Variants in MGA observed in about 807,000 individuals in gnomAD.
The protein encoded by MGA is MAX dimerization protein MGA.
MGA carries 40 observed loss-of-function variants against 261.1 expected under a neutral mutation model. The ratio of observed to expected loss-of-function variants is 0.15; its 90% CI spans 0.12 to 0.20. The LOEUF is 0.20. MGA is among the 10% of genes least tolerant of loss of function. MGA has a pLI of 1.00. For synonymous variants in MGA, 1,302 were observed against 1,290.6 expected (o/e 1.01, Z -0.19); for missense variants, 3,397 against 3,630.5 (o/e 0.94, Z 1.65).
intron 4 of MGA, 42 bp downstream of exon 4, chr15:41,698,983 G>A (rs527642281): frequency 4.5e-6 from 7 of 1,544,254 alleles, no homozygotes; most frequent in Non-Finnish European, 6.1e-6. Flanking sequence ...TTGTGGTTTG[G>A]GCTCCAGCAA....
At chr15:41,672,493 T>C (rs2058114463) in intron 2 of MGA, among the ~76,000 whole-genome samples, 1 of 152,192 alleles carries the variant, frequency 6.6e-6, no homozygotes, top group East Asian at 1.9e-4. Context: ...CTGTTGGGAT[T>C]ACATATGGTT....
Position 41,741,175 on chromosome 15 carries a change from C to T in MGA, c.4585+972C>T, listed in dbSNP as rs570842682. 3.9e-5 allele frequency among the ~76,000 whole-genome samples: 6 copies of T among 152,034 alleles called. No individual in the cohort carries two copies. In the South Asian group the frequency reaches 1.0e-3, roughly 26 times the overall value. On this transcript the variant is annotated intron_variant, in intron 14 of 23. Coordinates refer to ENST00000219905, the MANE Select transcript of MGA (RefSeq NM_001164273.2). The stretch of plus-strand genomic sequence containing the variant: ...CATCCTGGCCAACATGGTGAAACCC[C>T]ATCTCTACTAAAAATACAAAAATTA...
upstream of MGA, among the ~76,000 whole-genome samples, chr15:41,659,097 T>G (rs1377590526): frequency 1.3e-5 from 2 of 152,092 alleles, no homozygotes; most frequent in Non-Finnish European, 2.9e-5. Flanking sequence ...ACTTTTCAAT[T>G]TTGCCTAGGA....
At position 41,766,300 on chromosome 15, in the gene MGA, C is replaced by A; in HGVS notation, c.8218C>A (p.Gln2740Lys). Residue 2740 changes from glutamine (Q) to lysine (K), a missense_variant, in exon 24 of 24, where the codon CAA becomes AAA. Around this residue, in one of 9 missense-constraint regions of MGA, gnomAD observed 647 missense variants for 642.4 expected, o/e 1.01. Transcript: ENST00000219905. ...TGACGTTTCCAATATGCAGAAAGCA[C>A]AAGAGTTCTTACCTAAAAAGATTTC... The A allele has an allele frequency of 6.2e-7, 1 of 1,613,808 alleles. No individual in the cohort carries two copies. Among genetic ancestry groups the A allele is most frequent in the Non-Finnish European group, 8.5e-7 (1 of 1,179,828 alleles).
At position 41,710,941 on chromosome 15, in the gene MGA, C is replaced by G; in HGVS notation, c.2676C>G (p.Pro892=). 6.2e-7 allele frequency: 1 copy of G among 1,613,900 alleles called. No individual in the cohort carries two copies. The highest frequency in any genetic ancestry group is 8.5e-7 in the Non-Finnish European group (1 of 1,179,868). ...ATTCTTTGAAACCTCATTCTGTACC[C>G]CCTGTCTCTCGAAAGGCAAAGTCTC... is the stretch of plus-strand genomic sequence containing the variant. Residue 892 remains proline, a synonymous_variant, in exon 8 of 24, where the codon CCC becomes CCG. Coordinates refer to ENST00000219905, the MANE Select transcript of MGA (RefSeq NM_001164273.2).
rs561895428 is a variant in MGA at position 41,745,615 on chromosome 15, G to T, written c.5212+2443G>T. The stretch of plus-strand genomic sequence containing the variant: ...TAAAAAAAATATATATCTATATATA[G>T]AGAGAGACAGACAGGGTCTTGCCCT... On this transcript the variant is annotated intron_variant, in intron 15 of 23. Transcript: ENST00000219905. Among the ~76,000 whole-genome samples the T allele has an allele frequency of 5.9e-5, 9 of 151,966 alleles. No individual in the cohort carries two copies. The East Asian group carries it at 1.2e-3, about 20-fold the overall frequency.
intron 10 of MGA, among the ~76,000 whole-genome samples, chr15:41,727,696 T>C (rs1372584391): frequency 6.6e-6 from 1 of 152,196 alleles, no homozygotes; most frequent in Non-Finnish European, 1.5e-5. Flanking sequence ...ACTACTCCTG[T>C]ATTGTAGAAT....
intron 18 of MGA, among the ~76,000 whole-genome samples, chr15:41,756,695 TAAAAC>T (rs2063167804): frequency 6.6e-6 from 1 of 152,210 alleles, no homozygotes; most frequent in African/African-American, 2.4e-5. Flanking sequence ...ATATAACAAT[TAAAAC>T]AATTGGAATT....
intron 1 of MGA, among the ~76,000 whole-genome samples, chr15:41,642,638 C>T (rs765563741): frequency 6.6e-6 from 1 of 152,156 alleles, no homozygotes; most frequent in Admixed American, 6.5e-5. Context: ...CGCATGCCAC[C>T]TCACCCAGCT....
intron 1 of MGA, among the ~76,000 whole-genome samples, chr15:41,628,726 C>G (rs894838697): frequency 1.3e-4 from 20 of 152,102 alleles, no homozygotes; most frequent in Admixed American, 9.8e-4. Context: ...TTGTGTAGAG[C>G]CTTGCAGGCC....
chr15:41,750,106 C>A lies in MGA; in HGVS notation c.6499C>A (p.Leu2167Met). 1 of 1,613,408 alleles carries A rather than the reference C, an allele frequency of 6.2e-7. No homozygotes were observed. Among genetic ancestry groups the A allele is most frequent in the Non-Finnish European group, 8.5e-7 (1 of 1,179,742 alleles). Residue 2167 changes from leucine to methionine, a missense_variant, in exon 17 of 24, where the codon CTG becomes ATG. This residue lies in a region of MGA where 1,410 missense variants were observed against 1,386.4 expected (regional missense o/e 1.02). Transcript: ENST00000219905. ...CAAAGAGAAGGAATGTGGAGACTCT[C>A]TGGAGAAAGACAGGGAAAGATGGAG...
intron 1 of MGA, among the ~76,000 whole-genome samples, chr15:41,651,246 A>G (rs2057035533): frequency 6.6e-6 from 1 of 152,178 alleles, no homozygotes; most frequent in Non-Finnish European, 1.5e-5. Context: ...TAAGTTTCCA[A>G]TGCAGGAACT....
At chr15:41,761,871 C>T (rs754645315) in intron 21 of MGA, 21 bp downstream of exon 21, 11 of 1,454,820 alleles carry the variant, frequency 7.6e-6, no homozygotes, top group African/African-American at 2.8e-5. Flanking sequence ...TAAATAATCT[C>T]TGGTAAAGAG....
chr15:41,672,100 A>G (rs1723192310), intron 2 of MGA, among the ~76,000 whole-genome samples: 1 of 152,224 alleles, frequency 6.6e-6, no homozygotes, highest in African/African-American at 2.4e-5. Context: ...GAATTTATTG[A>G]AATTCCTTTG....
chr15:41,736,110 G>A, intron 12 of MGA, 71 bp from the exon 13 acceptor site: 2 of 1,288,420 alleles, frequency 1.6e-6, no homozygotes, highest in South Asian at 1.7e-5. Context: ...TTTTTTCAGA[G>A]TTTCATACAA....
At position 41,749,892 on chromosome 15, in the gene MGA, T is replaced by G; in HGVS notation, c.6285T>G (p.Asn2095Lys). 6.2e-7 allele frequency: 1 copy of G among 1,613,932 alleles called. No individual in the cohort carries two copies. Among genetic ancestry groups the G allele is most frequent in the Non-Finnish European group, 8.5e-7 (1 of 1,179,874 alleles). The stretch of plus-strand genomic sequence containing the variant: ...GGACCATTTCTGAAAAAGCCAGTAA[T>G]AAGACAGTCCAAAATTTAAGTAAAG... Residue 2095 changes from asparagine to lysine, a missense_variant, in exon 17 of 24, where the codon AAT (asparagine) becomes AAG (lysine). Coordinates refer to ENST00000219905, the MANE Select transcript of MGA (RefSeq NM_001164273.2).
At chr15:41,665,623 C>G (rs2057690479) in intron 1 of MGA, among the ~76,000 whole-genome samples, 1 of 152,192 alleles carries the variant, frequency 6.6e-6, no homozygotes, top group Non-Finnish European at 1.5e-5. Context: ...CTGCCTCAGC[C>G]TCCCAACGTG....
At position 41,750,249 on chromosome 15, in the gene MGA, G is replaced by A. The variant is rs1462189356; in HGVS notation, c.6642G>A (p.Val2214=). 1 of 1,613,794 alleles carries A rather than the reference G, an allele frequency of 6.2e-7. No individual in the cohort carries two copies. The highest frequency in any genetic ancestry group is 1.7e-5 in the Admixed American group (1 of 60,004). ...AGACATGTCAGGAAAATTCAGATGT[G>A]TTTCAGCAAGAACAAGGCATCTCTG... The change falls in exon 17 of 24, where the codon GTG becomes GTA. Residue 2214 remains valine, a synonymous_variant. Transcript: ENST00000219905.
At chr15:41,646,625 G>T (rs899071528) in intron 1 of MGA, among the ~76,000 whole-genome samples, 2 of 151,854 alleles carry the variant, frequency 1.3e-5, no homozygotes, top group Admixed American at 1.3e-4. Flanking sequence ...AGGGAGAATT[G>T]CTTGAACCTG....
Sources: gnomAD v4.1 joint callset for allele counts (sites outside exome capture counted in the v4.1 genomes callset) on GRCh38, gnomAD v4.1.1 for gene constraint, gnomAD v4.1.1 regional missense constraint, MANE v1.5 for transcripts, NCBI Gene and HGNC (gene_info 2026-07-23, HGNC 2026-07-21) for gene names.